FBXL6: variants seen among roughly 807,000 people sequenced by gnomAD.
FBXL6 encodes F-box/LRR-repeat protein 6.
FBXL6 carries 50 observed loss-of-function variants against 53.3 expected under a neutral mutation model. That is an observed-to-expected ratio of 0.94 (90% CI 0.75 to 1.19). The LOEUF (loss-of-function observed/expected upper bound fraction) is 1.19, where lower values mean the gene tolerates loss of function less well. FBXL6 is among the 50% of genes most tolerant of loss of function. The pLI, the probability that FBXL6 is intolerant of heterozygous loss-of-function variation, is 0.00. For synonymous variants in FBXL6, 405 were observed against 322.9 expected (o/e 1.25, Z -2.73); for missense variants, 815 against 719.0 (o/e 1.13, Z -1.53).
At chr8:144,356,556 A>T (rs782264907) in intron 6 of FBXL6, 25 bp from the exon 7 acceptor site, 1 of 1,612,792 alleles carries the variant, frequency 6.2e-7, no homozygotes, top group Admixed American at 1.7e-5. Context: ...CAGGCTGTAG[A>T]TGGGGGAGGG....
rs782565511 is a variant in FBXL6 at position 144,357,165 on chromosome 8, C to CT, written c.640-45dup. On this transcript the variant is annotated intron_variant, in intron 3 of 8. Transcript: ENST00000331890. ...GCAGCTGGGGTTGGGAGACGACAGG[C>CT]TAAGATCCACAAGGGAAACAGACAA... 6.6e-5 allele frequency: 106 copies of CT among 1,609,898 alleles called. No individual in the cohort carries two copies. The African/African-American group carries it at 1.3e-3, about 20-fold the overall frequency.
rs376158451 is a variant in FBXL6, at chr8:144,357,457, C to T, written c.621G>A (p.Gln207=). The change falls in exon 3 of 9, where the codon CAG becomes CAA. Residue 207 remains glutamine (Q), a synonymous_variant. Coordinates refer to ENST00000331890, the MANE Select transcript of FBXL6 (RefSeq NM_012162.4). ...CTCTCACCTTCAACACGGGGTGTAC[C>T]TGAGACTTCCAGTGGATGAGGGTCA... ...QRLTLIHWKS[Q]VHPVLKLVGE... 40 of 1,613,000 alleles carry T rather than the reference C, an allele frequency of 2.5e-5. No individual in the cohort carries two copies. The highest frequency in any genetic ancestry group is 1.7e-5 in the Non-Finnish European group (20 of 1,179,792).
rs782689018 is a variant in FBXL6 at position 144,357,516 on chromosome 8, G to A, written c.576-14C>T. On this transcript the variant is annotated splice_polypyrimidine_tract_variant and intron_variant, in intron 2 of 8. Coordinates refer to ENST00000331890, the MANE Select transcript of FBXL6 (RefSeq NM_012162.4). ...AGCTGTGAAAACCTGGGCCGACAGCGGAGGCAGAGCTGCACTAATGTTCCC... is the reference window on the plus strand; with the variant it reads ...AGCTGTGAAAACCTGGGCCGACAGCAGAGGCAGAGCTGCACTAATGTTCCC... 1.1e-5 allele frequency: 17 copies of A among 1,613,318 alleles called. No homozygotes were observed. Among genetic ancestry groups the A allele is most frequent in the Admixed American group, 1.7e-5 (1 of 60,006 alleles).
Position 144,358,060 on chromosome 8 carries a change from C to T in FBXL6, c.388G>A (p.Ala130Thr), listed in dbSNP as rs1554853356. Residue 130 changes from alanine (A) to threonine (T), a missense_variant, in exon 1 of 9, where the codon GCG becomes ACG. Ala to Thr is a moderately conservative substitution (Grantham distance 58). Transcript: ENST00000331890. ...LVQIFGLLVA[A>T]DGPMPFLGRA... is the part of the protein sequence containing the mutation. ...CCCAGGAAGGGCATGGGGCCGTCCGCCGCCACCAACAACCCGAAAATCTGC... is the reference window on the plus strand; with the variant it reads ...CCCAGGAAGGGCATGGGGCCGTCCGTCGCCACCAACAACCCGAAAATCTGC... 5.0e-6 allele frequency: 8 copies of T among 1,598,474 alleles called. No homozygotes were observed. Among genetic ancestry groups the T allele is most frequent in the African/African-American group, 1.4e-5 (1 of 72,778 alleles).
In FBXL6 at chr8:144,355,495, G is replaced by A. The variant is rs782560261; in HGVS notation, c.*36C>T. 2.5e-6 allele frequency: 4 copies of A among 1,593,808 alleles called. No individual in the cohort carries two copies. In the Admixed American group the frequency reaches 6.8e-5, roughly 27 times the overall value. ...TGAAATTGGGCAAAGGTGGAGGGTG[G>A]GCAAGCTGGCTGAGGTGTCCCAGGT... On this transcript the variant is annotated 3_prime_UTR_variant, in exon 9 of 9. Coordinates refer to ENST00000331890, the MANE Select transcript of FBXL6 (RefSeq NM_012162.4).
At position 144,355,610 on chromosome 8, in the gene FBXL6, C is replaced by T. The variant is rs782049539; in HGVS notation, c.1541G>A (p.Gly514Asp). 4.3e-6 allele frequency: 7 copies of T among 1,611,130 alleles called. No individual in the cohort carries two copies. In the South Asian group the frequency reaches 4.4e-5, roughly 10 times the overall value. ...NLESCRCLPR[G>D]LKRAYRGLEE... Reference sequence around the variant, plus strand: ...CAGGCCCCGGTAGGCCCGCTTCAGACCCCGGGGAAGGCAGCGGCAGGACTC... The same window carrying T: ...CAGGCCCCGGTAGGCCCGCTTCAGATCCCGGGGAAGGCAGCGGCAGGACTC... Residue 514 changes from glycine to aspartate, a missense_variant, in exon 9 of 9, where the codon GGT (glycine) becomes GAT (aspartate). Physicochemically the swap from Gly to Asp is moderately conservative, Grantham distance 94. Transcript: ENST00000331890.
rs1266266542 is a variant in FBXL6, at chr8:144,358,027, G to C, written c.416+5C>G. On this transcript the variant is annotated splice_donor_5th_base_variant and intron_variant, in intron 1 of 8. Coordinates refer to ENST00000331890, the MANE Select transcript of FBXL6 (RefSeq NM_012162.4). Reference sequence around the variant, plus strand: ...GCTCGGCGGCGGGCCCGGCACCAGCGTTACCTGCCCAGGAAGGGCATGGGG... The same window carrying C: ...GCTCGGCGGCGGGCCCGGCACCAGCCTTACCTGCCCAGGAAGGGCATGGGG... The C allele has an allele frequency of 1.3e-6, 2 of 1,590,100 alleles. No homozygotes were observed. The highest frequency in any genetic ancestry group is 8.5e-7 in the Non-Finnish European group (1 of 1,174,034).
chr8:144,356,491 G>T lies in FBXL6; in HGVS notation c.1034C>A (p.Pro345Gln), dbSNP rs782407523. Residue 345 changes from proline to glutamine, a missense_variant, in exon 7 of 9, where the codon CCG becomes CAG. By Grantham distance (76) the Pro-to-Gln change is moderately conservative. Coordinates refer to ENST00000331890, the MANE Select transcript of FBXL6 (RefSeq NM_012162.4). ...LLNLMWLPKP[P>Q]GRGVAPGPGF... ...TGGTCCGGGAGCCACCCCTCGTCCC[G>T]GAGGCTTGGGCAGCCACATCAGGTT... 7.4e-6 allele frequency: 12 copies of T among 1,612,900 alleles called. No homozygotes were observed. The Admixed American group carries it at 2.0e-4, about 27-fold the overall frequency.
In FBXL6 at chr8:144,355,506, T is replaced by C; in HGVS notation, c.*25A>G. 2 of 1,597,206 alleles carry C rather than the reference T, an allele frequency of 1.3e-6. No individual in the cohort carries two copies. The highest frequency in any genetic ancestry group is 1.3e-5 in the African/African-American group (1 of 74,738). On this transcript the variant is annotated 3_prime_UTR_variant, in exon 9 of 9. Transcript: ENST00000331890. ...AAAGGTGGAGGGTGGGCAAGCTGGCTGAGGTGTCCCAGGTCTGTGGCTGCC... is the reference window on the plus strand; with the variant it reads ...AAAGGTGGAGGGTGGGCAAGCTGGCCGAGGTGTCCCAGGTCTGTGGCTGCC...
chr8:144,358,435 C>A lies in FBXL6; in HGVS notation c.13G>T (p.Ala5Ser), dbSNP rs782648310. ...GCTCTGCGTCGGACCTGCCGGGAGG[C>A]TGGGGCAGCCATGACCACCGACGGC... The part of the protein sequence containing the change: MAAP[A>S]SRQVRRRARA... The change falls in exon 1 of 9, where the codon GCC becomes TCC. Residue 5 changes from alanine (A) to serine (S), a missense_variant. By Grantham distance (99) the Ala-to-Ser change is moderately conservative. Coordinates refer to ENST00000331890, the MANE Select transcript of FBXL6 (RefSeq NM_012162.4). The A allele has an allele frequency of 3.2e-6, 4 of 1,243,546 alleles. No homozygotes were observed. In the East Asian group the frequency reaches 9.1e-5, roughly 28 times the overall value. 77.0% of individuals were successfully genotyped at this position (1,243,546 alleles called of 1,614,324 possible).
chr8:144,357,559 C>T, intron 2 of FBXL6, 57 bp from the exon 3 acceptor site: 1 of 1,611,830 alleles, frequency 6.2e-7, no homozygotes, highest in Non-Finnish European at 8.5e-7. Flanking sequence ...TCCTTCCCAC[C>T]CAACACCTTG....
In FBXL6 at chr8:144,358,420, G is replaced by A; in HGVS notation, c.28C>T (p.Arg10Ter). 3.2e-6 allele frequency: 4 copies of A among 1,244,870 alleles called. No individual in the cohort carries two copies. The highest frequency in any genetic ancestry group is 4.0e-6 in the Non-Finnish European group (4 of 995,198). The allele number at this position is 1,244,870 out of a possible 1,614,324, so 77.1% of individuals were successfully genotyped here. A position where few individuals can be genotyped will look rare whatever the true frequency, so the allele number is the denominator to read the frequency against. ...CGCGGCGCTGCCCGGGCTCTGCGTC[G>A]GACCTGCCGGGAGGCTGGGGCAGCC... is the stretch of plus-strand genomic sequence containing the variant. MAAPASRQV[R>*]RRARAAPRPR... The change falls in exon 1 of 9, where the codon CGA becomes TGA. Residue 10 changes from arginine (R) to a stop codon, truncating the protein, a stop_gained. Transcript: ENST00000331890. LOFTEE classifies it high-confidence loss of function.
chr8:144,356,686 G>A lies in FBXL6; in HGVS notation c.907C>T (p.Leu303=). ...LGSCCPQLQV[L]EVSTGINRNS... ...CGGTTGATGCCGGTGCTCACCTCCAGGACCTGGAGCTGGGGGCAGCAGCTG... is the reference window on the plus strand; with the variant it reads ...CGGTTGATGCCGGTGCTCACCTCCAAGACCTGGAGCTGGGGGCAGCAGCTG... The change falls in exon 6 of 9, where the codon CTG becomes TTG. Residue 303 remains leucine, a synonymous_variant. Coordinates refer to ENST00000331890, the MANE Select transcript of FBXL6 (RefSeq NM_012162.4). 6.2e-7 allele frequency: 1 copy of A among 1,612,704 alleles called. No individual in the cohort carries two copies. The highest frequency in any genetic ancestry group is 2.2e-5 in the East Asian group (1 of 44,878).
In FBXL6 at chr8:144,356,174, G is replaced by A. The variant is rs1389351733; in HGVS notation, c.1266C>T (p.Asp422=). 2 of 1,603,340 alleles carry A rather than the reference G, an allele frequency of 1.2e-6. No individual in the cohort carries two copies. The highest frequency in any genetic ancestry group is 1.4e-5 in the African/African-American group (1 of 72,780). ...QLHLGLYGTS[D]RLTLAKEGSP... ...TGCCCTCCTTGGCTAGAGTCAGCCG[G>A]TCTGACGTGCCATACAGGCCCAGAT... Residue 422 remains aspartate, a synonymous_variant, in exon 8 of 9, where the codon GAC becomes GAT. Coordinates refer to ENST00000331890, the MANE Select transcript of FBXL6 (RefSeq NM_012162.4).
chr8:144,356,540 A>C lies in FBXL6; in HGVS notation c.994-9T>G. ...TTCAACAGCCGCAGCACCTGGGGGC[A>C]AGGTCCAGGCTGTAGATGGGGGAGG... is the stretch of plus-strand genomic sequence containing the variant. On this transcript the variant is annotated splice_polypyrimidine_tract_variant and intron_variant, in intron 6 of 8. Coordinates refer to ENST00000331890, the MANE Select transcript of FBXL6 (RefSeq NM_012162.4). 1 of 1,612,920 alleles carries C rather than the reference A, an allele frequency of 6.2e-7. No individual in the cohort carries two copies. Among genetic ancestry groups the C allele is most frequent in the South Asian group, 1.1e-5 (1 of 91,076 alleles).
At position 144,357,124 on chromosome 8, in the gene FBXL6, G is replaced by T. The variant is rs376850707; in HGVS notation, c.640-3C>A. On this transcript the variant is annotated splice_region_variant and splice_polypyrimidine_tract_variant and intron_variant, in intron 3 of 8. Coordinates refer to ENST00000331890, the MANE Select transcript of FBXL6 (RefSeq NM_012162.4). Reference sequence around the variant, plus strand: ...CGAGGACAGCACTCACCTACCAGCTGCGGGGAGACAGAGGGGCAGCTGGGG... The same window carrying T: ...CGAGGACAGCACTCACCTACCAGCTTCGGGGAGACAGAGGGGCAGCTGGGG... 1 of 1,612,838 alleles carries T rather than the reference G, an allele frequency of 6.2e-7. No homozygotes were observed. Among genetic ancestry groups the T allele is most frequent in the Admixed American group, 1.7e-5 (1 of 60,010 alleles).
chr8:144,357,643 C>G lies in FBXL6; in HGVS notation c.560G>C (p.Trp187Ser). 6.2e-7 allele frequency: 1 copy of G among 1,609,778 alleles called. No individual in the cohort carries two copies. The highest frequency in any genetic ancestry group is 8.5e-7 in the Non-Finnish European group (1 of 1,177,922). ...AACCCCTCACCGATTGGGCATAAGC[C>G]ACTCCAGGGAAGCAAGGAGCTTCTT... ...AEKKLLASLE[W>S]LMPNRFSQLQ... Residue 187 changes from tryptophan (W) to serine (S), a missense_variant, in exon 2 of 9, where the codon TGG (tryptophan) becomes TCG (serine). Transcript: ENST00000331890.
At position 144,358,015 on chromosome 8, in the gene FBXL6, C is replaced by G; in HGVS notation, c.416+17G>C. On this transcript the variant is annotated intron_variant, in intron 1 of 8. Coordinates refer to ENST00000331890, the MANE Select transcript of FBXL6 (RefSeq NM_012162.4). The stretch of plus-strand genomic sequence containing the variant: ...CCAAGCCGCTACGCTCGGCGGCGGG[C>G]CCGGCACCAGCGTTACCTGCCCAGG... The G allele has an allele frequency of 6.3e-7, 1 of 1,580,420 alleles. No homozygotes were observed. Among genetic ancestry groups the G allele is most frequent in the African/African-American group, 1.4e-5 (1 of 72,132 alleles).
chr8:144,356,315 C>T lies in FBXL6; in HGVS notation c.1210G>A (p.Asp404Asn). 5 of 827,960 alleles carry T rather than the reference C, an allele frequency of 6.0e-6. No individual in the cohort carries two copies. Among genetic ancestry groups the T allele is most frequent in the Non-Finnish European group, 6.4e-6 (4 of 623,568 alleles). The allele number at this position is 827,960 out of a possible 1,614,324, so 51.3% of individuals were successfully genotyped here. Reference sequence around the variant, plus strand: ...GACTGCTGACCCCGACATGGCAGATCCTGAAGGCCAGCCGGCGTGATGCGC... The same window carrying T: ...GACTGCTGACCCCGACATGGCAGATTCTGAAGGCCAGCCGGCGTGATGCGC... ...CARITPAGLQ[D>N]LPCRELEQLH... Residue 404 changes from aspartate (D) to asparagine (N), a missense_variant, in exon 7 of 9, where the codon GAT (aspartate) becomes AAT (asparagine). Asp to Asn is a conservative substitution (Grantham distance 23). Transcript: ENST00000331890.
Sources: allele counts gnomAD v4.1 joint callset, GRCh38; gene constraint gnomAD v4.1.1; transcripts MANE v1.5; gene names NCBI Gene and HGNC (gene_info 2026-07-23, HGNC 2026-07-21).